DNM1: variants seen among roughly 807,000 people sequenced by gnomAD.
DNM1 encodes the protein dynamin-1.
In DNM1, 29 loss-of-function variants were observed where a neutral mutation model predicts 104.6. The ratio of observed to expected loss-of-function variants is 0.28; its 90% CI spans 0.21 to 0.38. DNM1 has a LOEUF of 0.38. Among genes scored for constraint, DNM1 ranks in the 10% least tolerant of loss-of-function variants. The pLI is 1.00. For missense variants in DNM1, 640 were observed against 1,189.4 expected (o/e 0.54, Z 6.79); for synonymous variants, 445 against 475.8 (o/e 0.94, Z 0.84).
At chr9:128,235,081 C>G (rs1835930521) in intron 11 of DNM1, 1 of 152,352 alleles carries the variant, frequency 6.6e-6, no homozygotes, top group East Asian at 1.9e-4. Context: ...GTGTGAGCCA[C>G]CGTGCCTGGC....
chr9:128,207,011 C>T (rs1588312299), intron 1 of DNM1, among the ~76,000 whole-genome samples: 1 of 151,968 alleles, frequency 6.6e-6, no homozygotes, highest in South Asian at 2.1e-4. Flanking sequence ...GGGTGGGTTT[C>T]AGGATATATT....
Position 128,222,982 on chromosome 9 carries a change from C to A in DNM1, c.1196+122C>A. ...ACTGAAAGCTCTGTTCCCCAGTCCT[C>A]TCGACCCCAACTTTCTGGCTCCCTG... On this transcript the variant is annotated intron_variant, in intron 9 of 21. Transcript: ENST00000372923. This position sits in a 1 kb window ranked among gnomAD's most constrained non-coding sequence, Gnocchi z 7.8. 1.0e-6 allele frequency: 1 copy of A among 980,482 alleles called. No individual in the cohort carries two copies. 60.7% of individuals were successfully genotyped at this position (980,482 alleles called of 1,614,324 possible).
At chr9:128,244,020 A>G (rs1169689965) in intron 15 of DNM1, among the ~76,000 whole-genome samples, 1 of 150,250 alleles carries the variant, frequency 6.7e-6, no homozygotes, top group East Asian at 2.0e-4. Context: ...TTGGAGTATA[A>G]GCATCTAGGT....
rs1020000605 is a variant in DNM1 at position 128,203,409 on chromosome 9, C to T, written c.-62C>T. 5.2e-6 allele frequency: 7 copies of T among 1,352,590 alleles called. No individual in the cohort carries two copies. Among genetic ancestry groups the T allele is most frequent in the Non-Finnish European group, 6.7e-6 (7 of 1,050,770 alleles). The allele number at this position is 1,352,590 out of a possible 1,614,324, so 83.8% of individuals were successfully genotyped here. A position where few individuals can be genotyped will look rare whatever the true frequency, so the allele number is the denominator to read the frequency against. ...GGGCGCGCGGCTGCAGCGGCGGAGC[C>T]GGAGTCGGAGCCGGGAGCGCTAGCG... On this transcript the variant is annotated 5_prime_UTR_variant, in exon 1 of 22. Coordinates refer to ENST00000372923, the MANE Select transcript of DNM1 (RefSeq NM_004408.4). This position sits in a 1 kb window ranked among gnomAD's most constrained non-coding sequence, Gnocchi z 5.3.
At chr9:128,234,131 G>A in intron 11 of DNM1, 24 bp downstream of exon 11, 1 of 1,503,574 alleles carries the variant, frequency 6.7e-7, no homozygotes, top group Non-Finnish European at 8.9e-7. Context: ...CACCCGGCCT[G>A]GCCGCGCCTT....
At position 128,254,225 on chromosome 9, in the gene DNM1, T is replaced by A; in HGVS notation, c.2535-429T>A. 1 of 1,352,100 alleles carries A rather than the reference T, an allele frequency of 7.4e-7. No individual in the cohort carries two copies. The highest frequency in any genetic ancestry group is 2.0e-5 in the South Asian group (1 of 49,606). The allele number at this position is 1,352,100 out of a possible 1,614,324, so 83.8% of individuals were successfully genotyped here. A position where few individuals can be genotyped will look rare whatever the true frequency, so the allele number is the denominator to read the frequency against. ...AGTTTCACCCTCCTGGTTCAAGCAG[T>A]GTTCTTTCTCTATCAGGCCTGGTGG... On this transcript the variant is annotated intron_variant, in intron 21 of 21. Transcript: ENST00000372923. The surrounding 1 kb of genome is among the most constrained non-coding windows in gnomAD (Gnocchi z 6.1).
chr9:128,224,554 G>C lies in DNM1; in HGVS notation c.1335+165G>C, dbSNP rs969483974. Among the ~76,000 whole-genome samples the C allele has an allele frequency of 1.3e-4, 20 of 152,066 alleles. No homozygotes were observed. Among genetic ancestry groups the C allele is most frequent in the Admixed American group, 3.9e-4 (6 of 15,278 alleles). ...AATAGGAGACAATGTGCCTCTGAGA[G>C]GGCCTCACCCACCCCTGGCCCCCAG... On this transcript the variant is annotated intron_variant, in intron 10 of 21. Coordinates refer to ENST00000372923, the MANE Select transcript of DNM1 (RefSeq NM_004408.4). The surrounding 1 kb of genome is among the most constrained non-coding windows in gnomAD (Gnocchi z 4.3).
At chr9:128,207,902 T>C (rs892579131) in intron 1 of DNM1, among the ~76,000 whole-genome samples, 3 of 151,682 alleles carry the variant, frequency 2.0e-5, no homozygotes, top group Non-Finnish European at 2.9e-5. Flanking sequence ...CCATCCAGGG[T>C]AGGGTAGGGG....
intron 20 of DNM1, 21 bp from the exon 21 acceptor site, chr9:128,250,704 C>G: frequency 6.9e-7 from 1 of 1,458,324 alleles, no homozygotes; most frequent in South Asian, 1.3e-5. Context: ...CTCCTTGTTC[C>G]TCGCTCCCTG....
chr9:128,244,966 A>G (rs545354223), intron 15 of DNM1: 11 of 271,960 alleles, frequency 4.0e-5, no homozygotes, highest in Admixed American at 3.2e-4. Flanking sequence ...TCTGCTCCCA[A>G]CTCCCCTTCT....
rs934954806 is a variant in DNM1, at chr9:128,245,601, T to A, written c.1672-793T>A. Among the ~76,000 whole-genome samples, 1 of 151,876 alleles carries A rather than the reference T, an allele frequency of 6.6e-6. No homozygotes were observed. The highest frequency in any genetic ancestry group is 2.4e-5 in the African/African-American group (1 of 41,298). On this transcript the variant is annotated intron_variant, in intron 15 of 21. Coordinates refer to ENST00000372923, the MANE Select transcript of DNM1 (RefSeq NM_004408.4). This position sits in a 1 kb window ranked among gnomAD's most constrained non-coding sequence, Gnocchi z 5.2. ...ATACACATAACTCCTCCCAGACAGC[T>A]CTAGATAAATCAAACACACAGCCCA...
intron 15 of DNM1, chr9:128,244,691 G>A (rs1836644390): frequency 1.9e-6 from 1 of 518,786 alleles, no homozygotes; most frequent in Non-Finnish European, 4.0e-6. Context: ...GGCAGGCAGG[G>A]GTCGGTCCAG....
Position 128,222,955 on chromosome 9 carries a change from G to A in DNM1, c.1196+95G>A. 1 of 1,226,860 alleles carries A rather than the reference G, an allele frequency of 8.2e-7. No individual in the cohort carries two copies. The highest frequency in any genetic ancestry group is 1.8e-5 in the Admixed American group (1 of 56,618). The allele number at this position is 1,226,860 out of a possible 1,614,324, so 76.0% of individuals were successfully genotyped here. On this transcript the variant is annotated intron_variant, in intron 9 of 21. Transcript: ENST00000372923. This position sits in a 1 kb window ranked among gnomAD's most constrained non-coding sequence, Gnocchi z 7.8. ...TGATGAAGTGGGCCTCCCTCAGGAA[G>A]GACTGAAAGCTCTGTTCCCCAGTCC...
intron 21 of DNM1, chr9:128,252,750 G>T (rs1207123422): frequency 3.5e-6 from 2 of 569,484 alleles, no homozygotes; most frequent in East Asian, 8.2e-5. Context: ...GATCCTCTAA[G>T]CACACCAGGC....
chr9:128,240,133 C>T lies in DNM1; in HGVS notation c.1557+137C>T. 1 of 1,048,768 alleles carries T rather than the reference C, an allele frequency of 9.5e-7. No homozygotes were observed. The highest frequency in any genetic ancestry group is 2.9e-4 in the Middle Eastern group (1 of 3,432). The allele number at this position is 1,048,768 out of a possible 1,614,324, so 65.0% of individuals were successfully genotyped here. A position where few individuals can be genotyped will look rare whatever the true frequency, so the allele number is the denominator to read the frequency against. On this transcript the variant is annotated intron_variant, in intron 14 of 21. Coordinates refer to ENST00000372923, the MANE Select transcript of DNM1 (RefSeq NM_004408.4). The surrounding 1 kb of genome is among the most constrained non-coding windows in gnomAD (Gnocchi z 5.1). ...CACACCAGCCCCTGGCATTTCACAC[C>T]TGCCCTCAGGCCAGAGGCAGGCCCA...
chr9:128,221,686 A>G (rs892126375), intron 6 of DNM1, among the ~76,000 whole-genome samples: 9 of 152,080 alleles, frequency 5.9e-5, no homozygotes, highest in South Asian at 2.1e-4. Context: ...ACTTGAGGCC[A>G]AAAGTTCGAC....
At position 128,254,573 on chromosome 9, in the gene DNM1, G is replaced by A. The variant is rs1442456724; in HGVS notation, c.2535-81G>A. On this transcript the variant is annotated intron_variant, in intron 21 of 21. Transcript: ENST00000372923. This position sits in a 1 kb window ranked among gnomAD's most constrained non-coding sequence, Gnocchi z 6.1. ...CCACTGCTGCGGCGCGGCCGGCCCCGGCCGTGTGCTGCGCTTGCCTTACCA... is the reference window on the plus strand; with the variant it reads ...CCACTGCTGCGGCGCGGCCGGCCCCAGCCGTGTGCTGCGCTTGCCTTACCA... 22 of 1,372,992 alleles carry A rather than the reference G, an allele frequency of 1.6e-5. No homozygotes were observed. Among genetic ancestry groups the A allele is most frequent in the African/African-American group, 4.4e-5 (3 of 67,534 alleles). 85.1% of individuals were successfully genotyped at this position (1,372,992 alleles called of 1,614,324 possible).
chr9:128,224,501 A>G lies in DNM1; in HGVS notation c.1335+112A>G. On this transcript the variant is annotated intron_variant, in intron 10 of 21. Transcript: ENST00000372923. This position sits in a 1 kb window ranked among gnomAD's most constrained non-coding sequence, Gnocchi z 4.3. The stretch of plus-strand genomic sequence containing the variant: ...CTCCTCGGTAGCATGTACAGACCTC[A>G]GCGGGGTGGGGAGGCAGGCCACCAC... The G allele has an allele frequency of 9.2e-7, 1 of 1,082,364 alleles. No homozygotes were observed. The highest frequency in any genetic ancestry group is 1.3e-6 in the Non-Finnish European group (1 of 775,872). 67.0% of individuals were successfully genotyped at this position (1,082,364 alleles called of 1,614,324 possible). A position where few individuals can be genotyped will look rare whatever the true frequency, so the allele number is the denominator to read the frequency against.
intron 1 of DNM1, among the ~76,000 whole-genome samples, chr9:128,207,486 G>A (rs988093573): frequency 7.0e-6 from 1 of 143,088 alleles, no homozygotes; most frequent in Non-Finnish European, 1.5e-5. Flanking sequence ...TGTCACCCCC[G>A]CCCCGCTACA....
Sources: gnomAD v4.1 joint callset for allele counts (sites outside exome capture counted in the v4.1 genomes callset) on GRCh38, gnomAD v4.1.1 for gene constraint, Gnocchi (gnomAD v3.1) non-coding constraint, MANE v1.5 for transcripts, NCBI Gene and HGNC (gene_info 2026-07-23, HGNC 2026-07-21) for gene names.